Variants in MYO5B observed in about 807,000 individuals in gnomAD.
MYO5B encodes unconventional myosin-Vb.
MYO5B carries 143 observed loss-of-function variants against 229.3 expected under a neutral mutation model. The ratio of observed to expected loss-of-function variants is 0.62; its 90% CI spans 0.54 to 0.72. The LOEUF is 0.72. MYO5B is among the 30% of genes least tolerant of loss of function. MYO5B has a pLI of 0.00. For synonymous variants in MYO5B, 918 were observed against 885.2 expected (o/e 1.04, Z -0.66); for missense variants, 2,321 against 2,331.0 (o/e 1.00, Z 0.09).
chr18:49,875,735 C>A lies in MYO5B; in HGVS notation c.3489G>T (p.Leu1163=), dbSNP rs764660843. The A allele has an allele frequency of 3.2e-5, 52 of 1,614,064 alleles. 1 individual carries two copies. The Middle Eastern group carries it at 2.5e-3, about 77-fold the overall frequency. The change falls in exon 26 of 40, where the codon CTG becomes CTT. Residue 1163 remains leucine (L), a synonymous_variant. Transcript: ENST00000285039. ...VRELEQERKK[L]QVQLEKREQQ... ...GTTCTCTCTTCTCCAGCTGCACTTG[C>A]AGCTTTTTCCTCTCCTGCTCCAGCT...
chr18:49,921,367 G>T (rs1022094104), intron 17 of MYO5B, among the ~76,000 whole-genome samples: 1 of 150,546 alleles, frequency 6.6e-6, no homozygotes, highest in Non-Finnish European at 1.5e-5. Context: ...AGGACACAAA[G>T]CTGCTGACTC....
intron 1 of MYO5B, among the ~76,000 whole-genome samples, chr18:50,188,830 T>TCAA (rs1283986138): frequency 1.2e-5 from 1 of 84,318 alleles, no homozygotes; most frequent in Admixed American, 1.4e-4. Context: ...CACACACCTA[T>TCAA]CAACAAAGGA....
intron 1 of MYO5B, among the ~76,000 whole-genome samples, chr18:50,062,648 A>G (rs2030717239): frequency 6.6e-6 from 1 of 152,200 alleles, no homozygotes. Context: ...AGTAGAACTC[A>G]CAATCATTTC....
Position 49,877,877 on chromosome 18 carries a change from A to C in MYO5B, c.3282T>G (p.Thr1094=). ...TTGATGGGTTCCGCCTATGACCTGG[A>C]GTTTGCTGTTCAACAAGAAAAACGT... ...LRDEMTIIKQ[T]PGHRRNPSNQ... Residue 1094 remains threonine, a synonymous_variant, in exon 25 of 40, where the codon ACT becomes ACG. Coordinates refer to ENST00000285039, the MANE Select transcript of MYO5B (RefSeq NM_001080467.3). 1 of 1,614,084 alleles carries C rather than the reference A, an allele frequency of 6.2e-7. No individual in the cohort carries two copies. The highest frequency in any genetic ancestry group is 8.5e-7 in the Non-Finnish European group (1 of 1,179,962).
intron 4 of MYO5B, among the ~76,000 whole-genome samples, chr18:50,027,044 C>A (rs1272084079): frequency 6.6e-6 from 1 of 152,144 alleles, no homozygotes; most frequent in African/African-American, 2.4e-5. Context: ...TTCAGCTGCT[C>A]TGTCTTCTGG....
chr18:49,897,019 C>G (rs1332683936), intron 21 of MYO5B, among the ~76,000 whole-genome samples: 3 of 152,198 alleles, frequency 2.0e-5, no homozygotes, highest in Non-Finnish European at 2.9e-5. Context: ...AGCTATCTTC[C>G]TTGTTCAAGT....
chr18:50,139,950 GAATT>G (rs2032393134), intron 1 of MYO5B, among the ~76,000 whole-genome samples: 1 of 152,088 alleles, frequency 6.6e-6, no homozygotes, highest in South Asian at 2.1e-4. Context: ...AGCTGACGGT[GAATT>G]AATTAACTTC....
chr18:50,118,039 G>A (rs192805761), intron 1 of MYO5B, among the ~76,000 whole-genome samples: 300 of 152,162 alleles, frequency 2.0e-3, no homozygotes, highest in Non-Finnish European at 3.5e-3. Context: ...CATTACCACC[G>A]GCCTGATGAA....
chr18:50,016,533 A>G (rs563537555), intron 4 of MYO5B, among the ~76,000 whole-genome samples: 1 of 152,296 alleles, frequency 6.6e-6, no homozygotes, highest in East Asian at 1.9e-4. Flanking sequence ...CCTTGTCCCA[A>G]CTGTCACAAT....
intron 17 of MYO5B, among the ~76,000 whole-genome samples, chr18:49,923,299 G>C (rs1197289458): frequency 1.3e-5 from 2 of 152,166 alleles, no homozygotes; most frequent in African/African-American, 4.8e-5. Flanking sequence ...TTCCCTGCTG[G>C]GCAGGGCCCA....
At chr18:49,994,858 C>G (rs747160778) in intron 5 of MYO5B, among the ~76,000 whole-genome samples, 7 of 152,216 alleles carry the variant, frequency 4.6e-5, no homozygotes, top group Non-Finnish European at 1.0e-4. Flanking sequence ...GCTATATTTC[C>G]TAAAATGTTG....
chr18:50,010,055 C>T (rs559254592), intron 4 of MYO5B, among the ~76,000 whole-genome samples: 1 of 152,342 alleles, frequency 6.6e-6, no homozygotes, highest in Admixed American at 6.5e-5. Context: ...CCAAGCCATT[C>T]AGGAAGGCTG....
At chr18:49,844,995 A>C (rs2024107465) in intron 33 of MYO5B, among the ~76,000 whole-genome samples, 1 of 152,190 alleles carries the variant, frequency 6.6e-6, no homozygotes, top group South Asian at 2.1e-4. Context: ...TTTGGAGGGA[A>C]GATGACTGCA....
At chr18:49,844,457 C>T (rs937800318) in intron 33 of MYO5B, among the ~76,000 whole-genome samples, 3 of 152,154 alleles carry the variant, frequency 2.0e-5, no homozygotes, top group African/African-American at 7.2e-5. Context: ...TGAAGGGAGG[C>T]CACCTCCCTC....
At chr18:49,878,696 A>C (rs1270028194) in intron 24 of MYO5B, among the ~76,000 whole-genome samples, 3 of 152,142 alleles carry the variant, frequency 2.0e-5, no homozygotes, top group Non-Finnish European at 1.5e-5. Flanking sequence ...AAGATAACAC[A>C]CTTGGGTAGA....
chr18:50,194,631 C>A, intron 1 of MYO5B, 136 bp downstream of exon 1: 1 of 598,726 alleles, frequency 1.7e-6, no homozygotes, highest in South Asian at 2.0e-5. Context: ...AGGACAGTGA[C>A]GAGGAGGACA....
chr18:50,148,205 CAA>C (rs1458478146), intron 1 of MYO5B, among the ~76,000 whole-genome samples: 10 of 150,496 alleles, frequency 6.6e-5, no homozygotes. Context: ...GCTTACCAAC[CAA>C]AAAGAGTCCA....
chr18:49,898,202 AC>A (rs2024801987), intron 21 of MYO5B, among the ~76,000 whole-genome samples: 1 of 152,212 alleles, frequency 6.6e-6, no homozygotes, highest in Admixed American at 6.5e-5. Context: ...CTCATAAGGT[AC>A]CCCTGTCATT....
At chr18:50,125,200 G>T (rs1051209115) in intron 1 of MYO5B, among the ~76,000 whole-genome samples, 2 of 152,042 alleles carry the variant, frequency 1.3e-5, no homozygotes, top group African/African-American at 4.8e-5. Flanking sequence ...ATATCAAACT[G>T]AACAATGAAT....
Sources: gnomAD v4.1 joint callset for allele counts (sites outside exome capture counted in the v4.1 genomes callset) on GRCh38, gnomAD v4.1.1 for gene constraint, MANE v1.5 for transcripts, NCBI Gene and HGNC (gene_info 2026-07-23, HGNC 2026-07-21) for gene names.